Variants in PRR5L observed in about 807,000 individuals in gnomAD.
PRR5L encodes proline-rich protein 5-like.
PRR5L carries 21 observed loss-of-function variants against 36.4 expected under a neutral mutation model. That is an observed-to-expected ratio of 0.58 (90% confidence interval 0.41 to 0.83). The LOEUF (loss-of-function observed/expected upper bound fraction) is 0.83. Ranked by LOEUF, PRR5L falls within the 40% of genes least tolerant of loss-of-function variation. PRR5L has a pLI of 0.00. For synonymous variants in PRR5L, 188 were observed against 197.0 expected (o/e 0.95, Z 0.38); for missense variants, 381 against 473.3 (o/e 0.80, Z 1.81).
At chr11:36,376,128 G>A in intron 1 of PRR5L, 4 of 1,304,226 alleles carry the variant, frequency 3.1e-6, no homozygotes, top group Non-Finnish European at 4.0e-6. Context: ...AAGTCAAAAA[G>A]CTTGGATTTC....
In PRR5L at chr11:36,401,302, G is replaced by T; in HGVS notation, c.164+17G>T. The T allele has an allele frequency of 6.2e-7, 1 of 1,606,876 alleles. No homozygotes were observed. ...CTGGAACAGGTGAAGGAGGCTGCAG[G>T]ATGTGGGGTGGAGGGCTGCCAAGGG... On this transcript the variant is annotated intron_variant, in intron 2 of 8. Transcript: ENST00000530639.
intron 1 of PRR5L, among the ~76,000 whole-genome samples, chr11:36,349,294 A>AG (rs1856902749): frequency 1.3e-5 from 2 of 151,556 alleles, no homozygotes; most frequent in East Asian, 3.9e-4. Context: ...AAAAAAAAAA[A>AG]AAGAAAAATT....
intron 1 of PRR5L, among the ~76,000 whole-genome samples, chr11:36,389,638 G>A (rs1243178345): frequency 2.9e-5 from 4 of 139,394 alleles, no homozygotes; most frequent in Non-Finnish European, 6.1e-5. Flanking sequence ...TTTTGGTAGA[G>A]TTTTGCTCTT....
intron 1 of PRR5L, among the ~76,000 whole-genome samples, chr11:36,341,275 A>G (rs1479412086): frequency 6.6e-6 from 1 of 152,190 alleles, no homozygotes; most frequent in Non-Finnish European, 1.5e-5. Context: ...TGAGCCCTCT[A>G]TACGCTTGGC....
At chr11:36,346,174 A>G (rs549670483) in intron 1 of PRR5L, among the ~76,000 whole-genome samples, 1 of 152,212 alleles carries the variant, frequency 6.6e-6, no homozygotes, top group East Asian at 1.9e-4. Flanking sequence ...GGGCCTTATT[A>G]TTTGAGCCCA....
At chr11:36,304,308 G>T (rs1324029143) in intron 1 of PRR5L, among the ~76,000 whole-genome samples, 1 of 152,172 alleles carries the variant, frequency 6.6e-6, no homozygotes, top group Non-Finnish European at 1.5e-5. Context: ...TTTAACAACA[G>T]ATTCAGCTGT....
chr11:36,376,707 G>C (rs975111587), intron 1 of PRR5L: 1 of 988,432 alleles, frequency 1.0e-6, no homozygotes, highest in African/African-American at 1.7e-5. Flanking sequence ...CCAAGGAGGT[G>C]AGTGGTGGGT....
rs902349977 is a variant in PRR5L at position 36,344,871 on chromosome 11, G to T, written c.-126+48433G>T. Among the ~76,000 whole-genome samples the T allele has an allele frequency of 3.9e-5, 6 of 152,124 alleles. No homozygotes were observed. Among genetic ancestry groups the T allele is most frequent in the African/African-American group, 1.4e-4 (6 of 41,420 alleles). On this transcript the variant is annotated intron_variant, in intron 1 of 8. Coordinates refer to ENST00000530639, the MANE Select transcript of PRR5L (RefSeq NM_001160167.2). The surrounding 1 kb of genome is among the most constrained non-coding windows in gnomAD (Gnocchi z 4.1). ...CCCATGGAGCTCCTCCTTGACTATT[G>T]AATTTGGCATTTTTGAAGCATTTTT...
chr11:36,440,961 A>T (rs1258075803), intron 6 of PRR5L, among the ~76,000 whole-genome samples: 1 of 152,206 alleles, frequency 6.6e-6, no homozygotes, highest in Non-Finnish European at 1.5e-5. Flanking sequence ...CTCACTCATT[A>T]CCAAGGGGAG....
At chr11:36,348,354 A>G (rs1856888864) in intron 1 of PRR5L, among the ~76,000 whole-genome samples, 1 of 152,084 alleles carries the variant, frequency 6.6e-6, no homozygotes, top group South Asian at 2.1e-4. Flanking sequence ...CCATGGATAT[A>G]TCCTTGGAGA....
chr11:36,444,225 G>A (rs1355660821), intron 6 of PRR5L, among the ~76,000 whole-genome samples: 1 of 152,184 alleles, frequency 6.6e-6, no homozygotes, highest in African/African-American at 2.4e-5. Flanking sequence ...GTGCTGGTAT[G>A]AAAAGATGTC....
intron 4 of PRR5L, among the ~76,000 whole-genome samples, chr11:36,431,294 A>G (rs1401799775): frequency 6.6e-6 from 1 of 152,200 alleles, no homozygotes; most frequent in African/African-American, 2.4e-5. Context: ...CTTATGATGT[A>G]GACAGGACGC....
chr11:36,327,202 C>T lies in PRR5L; in HGVS notation c.-126+30764C>T, dbSNP rs184856679. Among the ~76,000 whole-genome samples, 32 of 152,280 alleles carry T rather than the reference C, an allele frequency of 2.1e-4. 1 individual carries two copies. The highest frequency in any genetic ancestry group is 7.7e-4 in the African/African-American group (32 of 41,552). On this transcript the variant is annotated intron_variant, in intron 1 of 8. Transcript: ENST00000530639. ...CTGACTGTAAACCAAAAATAAAACT[C>T]TAAGATGCCCACCGAACTGAATGGA...
At chr11:36,305,104 C>T (rs1344513483) in intron 1 of PRR5L, among the ~76,000 whole-genome samples, 2 of 152,132 alleles carry the variant, frequency 1.3e-5, no homozygotes, top group East Asian at 3.9e-4. Flanking sequence ...TTCATAATAG[C>T]CAAAAGGTGG....
At chr11:36,372,265 C>T (rs552327799) in intron 1 of PRR5L, among the ~76,000 whole-genome samples, 141 of 151,886 alleles carry the variant, frequency 9.3e-4, no homozygotes, top group Non-Finnish European at 1.6e-3. Context: ...AGGCTCTGTG[C>T]GGGGTAGAAA....
chr11:36,312,979 G>C (rs1398964292), intron 1 of PRR5L, among the ~76,000 whole-genome samples: 1 of 152,248 alleles, frequency 6.6e-6, no homozygotes, highest in Non-Finnish European at 1.5e-5. Flanking sequence ...GGGGTCTCCA[G>C]AGGAGCCGCT....
chr11:36,426,863 A>G (rs964523207), intron 4 of PRR5L, among the ~76,000 whole-genome samples: 3 of 152,198 alleles, frequency 2.0e-5, no homozygotes, highest in Non-Finnish European at 2.9e-5. Context: ...GTCTGTGTGG[A>G]AAGTTCTTCC....
Position 36,401,193 on chromosome 11 carries a change from G to C in PRR5L, c.72G>C (p.Pro24=). The C allele has an allele frequency of 6.2e-7, 1 of 1,614,046 alleles. No homozygotes were observed. The highest frequency in any genetic ancestry group is 8.5e-7 in the Non-Finnish European group (1 of 1,179,998). Residue 24 remains proline, a synonymous_variant, in exon 2 of 9, where the codon CCG becomes CCC. Coordinates refer to ENST00000530639, the MANE Select transcript of PRR5L (RefSeq NM_001160167.2). Reference sequence around the variant, plus strand: ...TGGGCTCCTTCCGCAGGCCTAGACCGCGCTTCATGAGCTCCCCCGTGCTCA... The same window carrying C: ...TGGGCTCCTTCCGCAGGCCTAGACCCCGCTTCATGAGCTCCCCCGTGCTCA... The part of the protein sequence containing the change: ...HKMGSFRRPR[P]RFMSSPVLSD...
intron 4 of PRR5L, among the ~76,000 whole-genome samples, chr11:36,430,845 A>G (rs1329585507): frequency 2.0e-5 from 3 of 152,228 alleles, no homozygotes; most frequent in Admixed American, 6.5e-5. Context: ...ACTGATACCC[A>G]AGTTCTTTCC....
Sources: allele counts gnomAD v4.1 joint callset (sites outside exome capture counted in the v4.1 genomes callset), GRCh38; gene constraint gnomAD v4.1.1; non-coding constraint Gnocchi (gnomAD v3.1); transcripts MANE v1.5; gene names NCBI Gene and HGNC (gene_info 2026-07-23, HGNC 2026-07-21).